TOR1AIP1: variants seen among roughly 807,000 people sequenced by gnomAD.
The protein encoded by TOR1AIP1 is torsin-1A-interacting protein 1.
TOR1AIP1 carries 54 observed loss-of-function variants against 63.3 expected under a neutral mutation model. The ratio of observed to expected loss-of-function variants is 0.85; its 90% CI spans 0.69 to 1.07. The LOEUF (loss-of-function observed/expected upper bound fraction) is 1.07. Among genes scored for constraint, TOR1AIP1 ranks in the 50% least tolerant of loss-of-function variants. The probability of loss-of-function intolerance (pLI) is 0.00; values close to 1 mark genes in which losing one functional copy is unlikely to be tolerated. For missense variants in TOR1AIP1, 736 were observed against 715.0 expected (o/e 1.03, Z -0.33); for synonymous variants, 294 against 273.5 (o/e 1.07, Z -0.74).
intron 9 of TOR1AIP1, among the ~76,000 whole-genome samples, chr1:179,916,870 T>A (rs1345928908): frequency 6.6e-6 from 1 of 151,758 alleles, no homozygotes; most frequent in Non-Finnish European, 1.5e-5. Flanking sequence ...ACCCAGCTAG[T>A]TTTTTGTATT....
Position 179,914,044 on chromosome 1 carries a change from C to T in TOR1AIP1, c.954C>T (p.Thr318=). ...KSELGNQSPS[T]SSRQVTGQPQ... is the part of the protein sequence containing the mutation. ...AGCTTGGAAACCAGTCACCATCAACCTCCAGCCGACGTAAGTTTATGTATT... is the reference window on the plus strand; with the variant it reads ...AGCTTGGAAACCAGTCACCATCAACTTCCAGCCGACGTAAGTTTATGTATT... The change falls in exon 9 of 10, where the codon ACC becomes ACT. Residue 318 remains threonine, a synonymous_variant. Coordinates refer to ENST00000606911, the MANE Select transcript of TOR1AIP1 (RefSeq NM_015602.4). 1.9e-6 allele frequency: 3 copies of T among 1,613,754 alleles called. No individual in the cohort carries two copies. Among genetic ancestry groups the T allele is most frequent in the South Asian group, 1.1e-5 (1 of 91,032 alleles).
chr1:179,916,886 T>C (rs1198546751), intron 9 of TOR1AIP1, among the ~76,000 whole-genome samples: 6 of 151,866 alleles, frequency 4.0e-5, no homozygotes, highest in Admixed American at 3.9e-4. Context: ...GTATTTTCAG[T>C]AGAGACGGGG....
rs769057969 is a variant in TOR1AIP1 at position 179,917,441 on chromosome 1, TG to T, written c.965-10del. 4.1e-5 allele frequency: 65 copies of T among 1,588,386 alleles called. No homozygotes were observed. The African/African-American group carries it at 7.9e-4, about 19-fold the overall frequency. ...GTATTTATATCTGTCATTTCTTTTTTGTCTGAGTAGAAGTGACTGGACAACC... is the reference window on the plus strand; with the variant it reads ...GTATTTATATCTGTCATTTCTTTTTTTCTGAGTAGAAGTGACTGGACAACC... On this transcript the variant is annotated splice_polypyrimidine_tract_variant and intron_variant, in intron 9 of 9. Coordinates refer to ENST00000606911, the MANE Select transcript of TOR1AIP1 (RefSeq NM_015602.4).
chr1:179,909,964 A>G (rs763525944), intron 8 of TOR1AIP1, among the ~76,000 whole-genome samples: 4 of 152,034 alleles, frequency 2.6e-5, no homozygotes, highest in Non-Finnish European at 5.9e-5. Flanking sequence ...GGGTTTCGCC[A>G]TGTTGGCCAG....
At chr1:179,884,919 A>C in intron 2 of TOR1AIP1, 150 bp downstream of exon 2, 1 of 550,578 alleles carries the variant, frequency 1.8e-6, no homozygotes, top group East Asian at 3.2e-5. Context: ...CTTGTAAGAT[A>C]GGTATTATAC....
intron 5 of TOR1AIP1, among the ~76,000 whole-genome samples, chr1:179,902,127 G>A (rs1648487880): frequency 6.8e-6 from 1 of 147,854 alleles, no homozygotes; most frequent in South Asian, 2.1e-4. Flanking sequence ...CTGGGTTCAA[G>A]TGATTCTCCT....
chr1:179,906,839 G>C (rs534333937), intron 6 of TOR1AIP1, among the ~76,000 whole-genome samples: 1 of 141,238 alleles, frequency 7.1e-6, no homozygotes, highest in Non-Finnish European at 1.5e-5. Context: ...CCAGGTTCAC[G>C]CCCTTCTTCT....
At chr1:179,897,701 G>A (rs1648330420) in intron 3 of TOR1AIP1, among the ~76,000 whole-genome samples, 1 of 152,030 alleles carries the variant, frequency 6.6e-6, no homozygotes, top group Non-Finnish European at 1.5e-5. Context: ...ATATAAATGG[G>A]ACCTTAGTAA....
At chr1:179,883,183 A>G in intron 1 of TOR1AIP1, 1 of 603,588 alleles carries the variant, frequency 1.7e-6, no homozygotes, top group Admixed American at 3.0e-5. Context: ...GAGGAGTGGA[A>G]AGATGGTCGT....
intron 7 of TOR1AIP1, among the ~76,000 whole-genome samples, chr1:179,908,066 G>T (rs1001046728): frequency 1.3e-5 from 2 of 151,552 alleles, no homozygotes; most frequent in Non-Finnish European, 2.9e-5. Flanking sequence ...CCGCCACCAC[G>T]CCCGGCTAAT....
Position 179,882,375 on chromosome 1 carries a change from C to T in TOR1AIP1, c.-128C>T, listed in dbSNP as rs963439727. On this transcript the variant is annotated 5_prime_UTR_variant, in exon 1 of 10. Coordinates refer to ENST00000606911, the MANE Select transcript of TOR1AIP1 (RefSeq NM_015602.4). ...ACGACGCAGGCGGCGGCCCCAGCGA[C>T]TCGCAACTGCCTCCCTGACCACAGC... 1.0e-6 allele frequency: 1 copy of T among 989,922 alleles called. No homozygotes were observed. The allele number at this position is 989,922 out of a possible 1,614,324, so 61.3% of individuals were successfully genotyped here.
At chr1:179,894,958 C>T (rs555541874) in intron 3 of TOR1AIP1, among the ~76,000 whole-genome samples, 1 of 152,176 alleles carries the variant, frequency 6.6e-6, no homozygotes, top group South Asian at 2.1e-4. Flanking sequence ...TGTAAAAGGC[C>T]GGGTTATACC....
chr1:179,904,495 A>C (rs1648568350), intron 6 of TOR1AIP1, among the ~76,000 whole-genome samples: 1 of 152,254 alleles, frequency 6.6e-6, no homozygotes, highest in African/African-American at 2.4e-5. Context: ...TATTCATTTC[A>C]GTCTTACAAC....
rs1198939008 is a variant in TOR1AIP1, at chr1:179,903,981, C to T, written c.755C>T (p.Ser252Leu). The change falls in exon 6 of 10, where the codon TCA becomes TTA. Residue 252 changes from serine to leucine, a missense_variant. Physicochemically the swap from Ser to Leu is moderately radical, Grantham distance 145. Around this residue, in one of 2 missense-constraint regions of TOR1AIP1, gnomAD observed 464 missense variants for 371.0 expected, o/e 1.25. Coordinates refer to ENST00000606911, the MANE Select transcript of TOR1AIP1 (RefSeq NM_015602.4). The stretch of plus-strand genomic sequence containing the variant: ...TATTTTTTAGATAAAACCACCAGAT[C>T]ATCTAGTCAATATATAGAATCATTT... ...SDESGDKTTRSSSQYIESFWQ... is the reference protein window; with the variant it reads ...SDESGDKTTRLSSQYIESFWQ... 2.5e-6 allele frequency: 4 copies of T among 1,604,526 alleles called. No homozygotes were observed. In the Admixed American group the frequency reaches 5.0e-5, roughly 20 times the overall value.
rs1319867306 is a variant in TOR1AIP1 at position 179,919,586 on chromosome 1, A to G, written c.*1347A>G. On this transcript the variant is annotated 3_prime_UTR_variant, in exon 10 of 10. Transcript: ENST00000606911. ...GTAGTTTAGTTATAACTTTGCATCT[A>G]TAATTGAGCTTTCTCATCTGTCAAA... The G allele has an allele frequency of 6.6e-6, 1 of 152,228 alleles. No homozygotes were observed. Among genetic ancestry groups the G allele is most frequent in the Non-Finnish European group, 1.5e-5 (1 of 68,044 alleles). 9.4% of individuals were successfully genotyped at this position (152,228 alleles called of 1,614,324 possible).
chr1:179,900,180 T>C lies in TOR1AIP1; in HGVS notation c.652+13T>C. 6.5e-7 allele frequency: 1 copy of C among 1,548,020 alleles called. No homozygotes were observed. Among genetic ancestry groups the C allele is most frequent in the Non-Finnish European group, 8.9e-7 (1 of 1,123,694 alleles). On this transcript the variant is annotated intron_variant, in intron 4 of 9. Transcript: ENST00000606911. ...TTCTCTGAAGAAGGTATTTTACTTG[T>C]AAATATCATATAATATATACTTTAA...
chr1:179,889,367 A>G lies in TOR1AIP1; in HGVS notation c.608A>G (p.Tyr203Cys), dbSNP rs755081714. ...CGACCCCCTCTAAGATACCCAAGAT[A>G]TGGTAAGAGATTGTTTGTCTGTTGG... is the stretch of plus-strand genomic sequence containing the variant. ...LRRPPLRYPR[Y>C]EATSVQQKVN... Residue 203 changes from tyrosine to cysteine, a missense_variant and splice_region_variant, in exon 3 of 10, where the codon TAT (tyrosine) becomes TGT (cysteine). Physicochemically the swap from Tyr to Cys is radical, Grantham distance 194. This residue lies in a region of TOR1AIP1 where 464 missense variants were observed against 371.0 expected (regional missense o/e 1.25). Transcript: ENST00000606911. 2 of 1,605,178 alleles carry G rather than the reference A, an allele frequency of 1.2e-6. No homozygotes were observed. Among genetic ancestry groups the G allele is most frequent in the Admixed American group, 3.3e-5 (2 of 59,878 alleles).
At chr1:179,899,241 A>G (rs948761182) in intron 3 of TOR1AIP1, among the ~76,000 whole-genome samples, 1 of 134,774 alleles carries the variant, frequency 7.4e-6, no homozygotes, top group Non-Finnish European at 1.6e-5. Flanking sequence ...AAATACCTGC[A>G]TTTGGGTACA....
At chr1:179,905,395 A>G (rs116216780) in intron 6 of TOR1AIP1, among the ~76,000 whole-genome samples, 7,896 of 150,986 alleles carry the variant, frequency 0.052, 310 homozygotes, top group Non-Finnish European at 0.068. Context: ...AAAAAGAAAA[A>G]AAGAAAAAGC....
Sources: allele counts gnomAD v4.1 joint callset (sites outside exome capture counted in the v4.1 genomes callset), GRCh38; gene constraint gnomAD v4.1.1; regional missense constraint gnomAD v4.1.1; transcripts MANE v1.5; gene names NCBI Gene and HGNC (gene_info 2026-07-23, HGNC 2026-07-21).